The following NRG1 variants were observed in gnomAD, a reference collection of about 807,000 sequenced individuals.
The protein encoded by NRG1 is neuregulin 1.
Under a neutral mutation model 63.8 loss-of-function variants are expected in NRG1, and 18 were observed. The observed-to-expected ratio is 0.28, with a 90% CI of 0.19 to 0.42. The LOEUF is 0.42. Ranked by LOEUF, NRG1 falls within the 10% of genes least tolerant of loss-of-function variation. The pLI is 1.00. For synonymous variants in NRG1, 302 were observed against 301.3 expected, an observed-to-expected ratio of 1.00 and a Z score of -0.02; for missense variants, 762 against 814.7, an observed-to-expected ratio of 0.94 and a Z score of 0.79.
intron 1 of NRG1, among the ~76,000 whole-genome samples, chr8:32,428,754 CT>C (rs1488523293): frequency 6.6e-6 from 1 of 152,202 alleles, no homozygotes; most frequent in African/African-American, 2.4e-5. Context: ...GGAAACCCAG[CT>C]TTTATTTCAG....
intron 5 of NRG1, among the ~76,000 whole-genome samples, chr8:32,624,760 T>C (rs1044248955): frequency 6.6e-6 from 1 of 152,202 alleles, no homozygotes; most frequent in Non-Finnish European, 1.5e-5. Context: ...GTTACAGTTT[T>C]GAAATTAGAA....
intron 1 of NRG1, among the ~76,000 whole-genome samples, chr8:32,113,660 C>G (rs528551468): frequency 1.5e-3 from 230 of 152,294 alleles, no homozygotes; most frequent in Non-Finnish European, 2.9e-3. Context: ...TTACAAGGAA[C>G]AAATTTGTCT....
At chr8:31,955,520 T>C (rs1244843757) in intron 1 of NRG1, among the ~76,000 whole-genome samples, 5 of 152,156 alleles carry the variant, frequency 3.3e-5, no homozygotes, top group Non-Finnish European at 5.9e-5. Flanking sequence ...ATTGAGCAGA[T>C]TGCACTGTTG....
chr8:32,354,496 G>A (rs1243281661), intron 1 of NRG1, among the ~76,000 whole-genome samples: 1 of 152,090 alleles, frequency 6.6e-6, no homozygotes, highest in Non-Finnish European at 1.5e-5. Context: ...TTACCAAGGG[G>A]CAAGGAGGAC....
chr8:32,498,084 A>G (rs951250509), intron 1 of NRG1, among the ~76,000 whole-genome samples: 3 of 152,164 alleles, frequency 2.0e-5, no homozygotes, highest in African/African-American at 4.8e-5. Flanking sequence ...CGGCCTCCCA[A>G]AGTACTGGGA....
chr8:32,498,074 C>T (rs769428636), intron 1 of NRG1, among the ~76,000 whole-genome samples: 7 of 152,188 alleles, frequency 4.6e-5, no homozygotes, highest in African/African-American at 1.2e-4. Flanking sequence ...CCACTCACCT[C>T]GGCCTCCCAA....
At chr8:32,571,716 T>C (rs562507650) in intron 1 of NRG1, among the ~76,000 whole-genome samples, 2 of 152,326 alleles carry the variant, frequency 1.3e-5, no homozygotes, top group Admixed American at 6.5e-5. Flanking sequence ...AAACTCTGTT[T>C]CATCTTTTTC....
chr8:31,795,271 C>T (rs919572595), intron 1 of NRG1, among the ~76,000 whole-genome samples: 1 of 152,122 alleles, frequency 6.6e-6, no homozygotes, highest in Non-Finnish European at 1.5e-5. Context: ...GTCCCCTAAT[C>T]GAGACAGACA....
chr8:32,625,872 C>A (rs1391453010), intron 5 of NRG1, among the ~76,000 whole-genome samples: 1 of 150,026 alleles, frequency 6.7e-6, no homozygotes, highest in Non-Finnish European at 1.5e-5. Context: ...CGGCTCACTG[C>A]AACCTCGGCC....
At chr8:32,343,526 T>A (rs905292700) in intron 1 of NRG1, among the ~76,000 whole-genome samples, 2 of 152,200 alleles carry the variant, frequency 1.3e-5, no homozygotes, top group African/African-American at 4.8e-5. Flanking sequence ...ACTTTAAATG[T>A]CCATTTACTC....
At chr8:32,185,966 T>G (rs750250608) in intron 1 of NRG1, among the ~76,000 whole-genome samples, 1 of 152,232 alleles carries the variant, frequency 6.6e-6, no homozygotes, top group Non-Finnish European at 1.5e-5. Context: ...TCAAAATGTT[T>G]TTGTCTCTGC....
chr8:31,680,035 A>G (rs1808152179), intron 1 of NRG1, among the ~76,000 whole-genome samples: 1 of 152,126 alleles, frequency 6.6e-6, no homozygotes, highest in Admixed American at 6.6e-5. Flanking sequence ...TAAAACAAAG[A>G]TCCTTGAGAA....
intron 1 of NRG1, among the ~76,000 whole-genome samples, chr8:32,172,065 C>A (rs1281865742): frequency 6.6e-6 from 1 of 152,154 alleles, no homozygotes; most frequent in Non-Finnish European, 1.5e-5. Flanking sequence ...GCGTCCCTGA[C>A]CCCTGAGTAG....
chr8:31,820,489 T>C (rs1214270394), intron 1 of NRG1, among the ~76,000 whole-genome samples: 3 of 152,174 alleles, frequency 2.0e-5, no homozygotes, highest in African/African-American at 4.8e-5. Flanking sequence ...AGACATACTG[T>C]CCATTCAGTC....
intron 5 of NRG1, among the ~76,000 whole-genome samples, chr8:32,698,469 C>T (rs1779815805): frequency 1.3e-5 from 2 of 152,118 alleles, no homozygotes; most frequent in African/African-American, 4.8e-5. Context: ...TCAGCGAGGG[C>T]GTTTTAAGAC....
At chr8:31,746,098 T>G (rs1294110981) in intron 1 of NRG1, among the ~76,000 whole-genome samples, 4 of 151,754 alleles carry the variant, frequency 2.6e-5, no homozygotes, top group Admixed American at 2.6e-4. Context: ...CTGAACTAAC[T>G]CTTACTAGTT....
chr8:32,753,734 C>T (rs551979938), intron 7 of NRG1, among the ~76,000 whole-genome samples: 6 of 152,290 alleles, frequency 3.9e-5, no homozygotes, highest in Admixed American at 2.0e-4. Flanking sequence ...TGTTAAATCA[C>T]AGAGAGCCTG....
intron 1 of NRG1, among the ~76,000 whole-genome samples, chr8:32,319,433 T>A (rs1477010488): frequency 6.6e-6 from 1 of 152,140 alleles, no homozygotes; most frequent in Non-Finnish European, 1.5e-5. Flanking sequence ...CCTTGAGAAC[T>A]GCCTATTCAA....
At chr8:31,824,789 G>T (rs1472023586) in intron 1 of NRG1, among the ~76,000 whole-genome samples, 2 of 152,142 alleles carry the variant, frequency 1.3e-5, no homozygotes, top group African/African-American at 4.8e-5. Flanking sequence ...TGTTAAATTT[G>T]CAGTGAGTTT....
Sources: gnomAD v4.1 joint callset for allele counts (sites outside exome capture counted in the v4.1 genomes callset) on GRCh38, gnomAD v4.1.1 for gene constraint, MANE v1.5 for transcripts, NCBI Gene and HGNC (gene_info 2026-07-23, HGNC 2026-07-21) for gene names.